The following DDHD1 variants were observed in gnomAD, a reference collection of about 807,000 sequenced individuals.
DDHD1 encodes the protein phospholipase DDHD1.
Under a neutral mutation model 96.4 loss-of-function variants are expected in DDHD1, and 49 were observed. The observed-to-expected ratio is 0.51, with a 90% CI of 0.40 to 0.64. DDHD1 has a LOEUF of 0.64. Ranked by LOEUF, DDHD1 falls within the 30% of genes least tolerant of loss-of-function variation. The pLI is 0.00. For missense variants in DDHD1, 1,106 were observed against 1,161.2 expected, an observed-to-expected ratio of 0.95 and a Z score of 0.69; for synonymous variants, 442 against 446.5, an observed-to-expected ratio of 0.99 and a Z score of 0.13.
At chr14:53,142,476 A>C (rs1311441189) in intron 1 of DDHD1, among the ~76,000 whole-genome samples, 5 of 152,124 alleles carry the variant, frequency 3.3e-5, no homozygotes, top group East Asian at 3.9e-4. Context: ...AAAAAAAAAA[A>C]CAGGAACATT....
chr14:53,063,819 C>A (rs1456345473), intron 6 of DDHD1, among the ~76,000 whole-genome samples: 1 of 152,054 alleles, frequency 6.6e-6, no homozygotes, highest in Non-Finnish European at 1.5e-5. Context: ...GTCTGGAAAG[C>A]AGGGCTATTT....
At position 53,037,354 on chromosome 14, in the gene DDHD1, C is replaced by G. The variant is rs1474663548; in HGVS notation, c.*9414G>C. On this transcript the variant is annotated 3_prime_UTR_variant, in exon 13 of 13. Transcript: ENST00000673822. ...CAAACTGCTTTCCACAGTGACTGAACTAATTTACATTCCCACAACAGTGTA... is the reference window on the plus strand; with the variant it reads ...CAAACTGCTTTCCACAGTGACTGAAGTAATTTACATTCCCACAACAGTGTA... The G allele has an allele frequency of 6.6e-6, 1 of 152,176 alleles. No homozygotes were observed. Among genetic ancestry groups the G allele is most frequent in the Non-Finnish European group, 1.5e-5 (1 of 68,012 alleles). The allele number at this position is 152,176 out of a possible 1,614,324, so 9.4% of individuals were successfully genotyped here.
chr14:53,077,727 A>G (rs1434384883), intron 4 of DDHD1, among the ~76,000 whole-genome samples: 2 of 149,172 alleles, frequency 1.3e-5, no homozygotes, highest in Non-Finnish European at 3.0e-5. Context: ...TTATGCAGCT[A>G]TCACCATTAT....
At chr14:53,099,357 G>A (rs561931861) in intron 2 of DDHD1, among the ~76,000 whole-genome samples, 15 of 152,128 alleles carry the variant, frequency 9.9e-5, no homozygotes, top group Admixed American at 2.6e-4. Flanking sequence ...ATCTTTTTCT[G>A]TTCTACGATC....
chr14:53,153,230 G>C lies in DDHD1; in HGVS notation c.-132C>G. 2 of 833,904 alleles carry C rather than the reference G, an allele frequency of 2.4e-6. No homozygotes were observed. Among genetic ancestry groups the C allele is most frequent in the Middle Eastern group, 3.9e-4 (1 of 2,556 alleles). The allele number at this position is 833,904 out of a possible 1,614,324, so 51.7% of individuals were successfully genotyped here. On this transcript the variant is annotated 5_prime_UTR_variant, in exon 1 of 13. Transcript: ENST00000673822. The stretch of plus-strand genomic sequence containing the variant: ...TTCAAATCCCGACCCGAGCTGCGGC[G>C]GCAGCGGCGACCGCTCCGCCCCCAC...
At chr14:53,079,924 A>G (rs1404192389) in intron 4 of DDHD1, among the ~76,000 whole-genome samples, 1 of 152,182 alleles carries the variant, frequency 6.6e-6, no homozygotes, top group Non-Finnish European at 1.5e-5. Flanking sequence ...GGATAAATAC[A>G]TATGCAATTT....
At chr14:53,069,530 A>G (rs1163814684) in intron 6 of DDHD1, among the ~76,000 whole-genome samples, 1 of 152,226 alleles carries the variant, frequency 6.6e-6, no homozygotes, top group Non-Finnish European at 1.5e-5. Context: ...AGACTATAGT[A>G]TAGTGTAACC....
intron 1 of DDHD1, among the ~76,000 whole-genome samples, chr14:53,121,650 T>C (rs1888997995): frequency 6.6e-6 from 1 of 152,134 alleles, no homozygotes; most frequent in African/African-American, 2.4e-5. Flanking sequence ...CTGGAAGCCA[T>C]CATTCTCAGC....
At chr14:53,050,531 G>A (rs1882449497) in intron 12 of DDHD1, among the ~76,000 whole-genome samples, 1 of 151,944 alleles carries the variant, frequency 6.6e-6, no homozygotes, top group Non-Finnish European at 1.5e-5. Context: ...ATGTTTTGCG[G>A]TTCGTCACAT....
intron 1 of DDHD1, among the ~76,000 whole-genome samples, chr14:53,110,902 G>C (rs993613394): frequency 1.3e-5 from 2 of 152,140 alleles, no homozygotes; most frequent in Non-Finnish European, 2.9e-5. Flanking sequence ...CTTGAACCCG[G>C]GAGGCGGAGG....
intron 1 of DDHD1, among the ~76,000 whole-genome samples, chr14:53,138,875 G>A (rs1890431808): frequency 2.0e-5 from 3 of 152,082 alleles, no homozygotes. Context: ...GGAAGGGCAA[G>A]AAACCTGAAA....
At chr14:53,114,713 T>A (rs551045846) in intron 1 of DDHD1, among the ~76,000 whole-genome samples, 4 of 151,982 alleles carry the variant, frequency 2.6e-5, no homozygotes, top group South Asian at 2.1e-4. Context: ...AAAAACCCCA[T>A]CCAAAGGTCA....
chr14:53,146,044 T>A (rs1187748087), intron 1 of DDHD1, among the ~76,000 whole-genome samples: 1 of 151,932 alleles, frequency 6.6e-6, no homozygotes, highest in African/African-American at 2.4e-5. Context: ...CTGTCTCTAC[T>A]GAAAATACAC....
chr14:53,056,878 C>T (rs1315331996), intron 9 of DDHD1, among the ~76,000 whole-genome samples: 2 of 152,120 alleles, frequency 1.3e-5, no homozygotes, highest in African/African-American at 4.8e-5. Context: ...AAGGACAGGG[C>T]TCAGAGCAGA....
At chr14:53,132,424 T>C (rs1046584808) in intron 1 of DDHD1, among the ~76,000 whole-genome samples, 2 of 152,230 alleles carry the variant, frequency 1.3e-5, no homozygotes, top group African/African-American at 2.4e-5. Context: ...ACTTGGTTTA[T>C]TGATGGTAGT....
intron 6 of DDHD1, among the ~76,000 whole-genome samples, chr14:53,065,374 A>T (rs1271072155): frequency 6.6e-6 from 1 of 152,150 alleles, no homozygotes; most frequent in Non-Finnish European, 1.5e-5. Flanking sequence ...AGATACAGCT[A>T]GGACAATTCT....
intron 1 of DDHD1, among the ~76,000 whole-genome samples, chr14:53,146,939 T>G (rs4901351): frequency 0.86 from 124,925 of 145,430 alleles, 53,501 homozygotes; most frequent in East Asian, 0.97. Flanking sequence ...CAGTTTTTTT[T>G]TTTTTTTTTT....
chr14:53,066,026 T>C, intron 6 of DDHD1, among the ~76,000 whole-genome samples: 1 of 152,232 alleles, frequency 6.6e-6, no homozygotes, highest in East Asian at 1.9e-4. Context: ...ACACATTTCA[T>C]TTTTAATCCT....
intron 6 of DDHD1, among the ~76,000 whole-genome samples, chr14:53,070,006 T>C (rs1033703003): frequency 2.0e-5 from 3 of 152,186 alleles, no homozygotes; most frequent in African/African-American, 4.8e-5. Flanking sequence ...TTTCTGAGGA[T>C]AGTTATCTTT....
Sources: allele counts gnomAD v4.1 joint callset (sites outside exome capture counted in the v4.1 genomes callset), GRCh38; gene constraint gnomAD v4.1.1; transcripts MANE v1.5; gene names NCBI Gene and HGNC (gene_info 2026-07-23, HGNC 2026-07-21).